ZMIZ2: variants seen among roughly 807,000 people sequenced by gnomAD.
ZMIZ2 encodes the protein zinc finger MIZ-type containing 2, also known as zinc finger MIZ domain-containing protein 2.
Under a neutral mutation model 93.9 loss-of-function variants are expected in ZMIZ2, and 26 were observed. That is an observed-to-expected ratio of 0.28 (90% CI 0.20 to 0.38). ZMIZ2 has a LOEUF of 0.38. Among genes scored for constraint, ZMIZ2 ranks in the 10% least tolerant of loss-of-function variants. The probability of loss-of-function intolerance (pLI) is 1.00; values close to 1 mark genes in which losing one functional copy is unlikely to be tolerated. For synonymous variants in ZMIZ2, 485 were observed against 516.4 expected, an observed-to-expected ratio of 0.94 and a Z score of 0.82; for missense variants, 1,023 against 1,235.0, an observed-to-expected ratio of 0.83 and a Z score of 2.57.
intron 1 of ZMIZ2, among the ~76,000 whole-genome samples, chr7:44,753,521 T>G (rs1052657740): frequency 2.0e-5 from 3 of 152,224 alleles, no homozygotes. Flanking sequence ...GCTGGGATTA[T>G]AAGTGTGAGC....
chr7:44,759,347 A>C lies in ZMIZ2; in HGVS notation c.880A>C (p.Ser294Arg), dbSNP rs1790932971. The change falls in exon 7 of 19, where the codon AGC becomes CGC. Residue 294 changes from serine to arginine, a missense_variant. Around this residue, in one of 3 missense-constraint regions of ZMIZ2, gnomAD observed 656 missense variants for 777.1 expected, o/e 0.84. Coordinates refer to ENST00000309315, the MANE Select transcript of ZMIZ2 (RefSeq NM_031449.4). The stretch of plus-strand genomic sequence containing the variant: ...ACCCAGCACCGCCCAGTTTGCGCCC[A>C]GCCCTGGGCAGCCCCCTGCCCCCTC... ...YAPSTAQFAP[S>R]PGQPPAPSPS... 3 of 1,604,572 alleles carry C rather than the reference A, an allele frequency of 1.9e-6. No homozygotes were observed. In the African/African-American group the frequency reaches 4.0e-5, roughly 22 times the overall value.
At chr7:44,764,307 T>A (rs1791480750) in intron 13 of ZMIZ2, 112 bp from the exon 14 acceptor site, 3 of 942,040 alleles carry the variant, frequency 3.2e-6, no homozygotes, top group Middle Eastern at 2.2e-4. Context: ...ATGCAGTATC[T>A]CAGTTATGCA....
intron 1 of ZMIZ2, among the ~76,000 whole-genome samples, chr7:44,755,645 TCTC>T (rs778034369): frequency 1.3e-5 from 2 of 152,254 alleles, no homozygotes; most frequent in Admixed American, 6.5e-5. Flanking sequence ...ACCCCTGCAC[TCTC>T]CTCCTCGGCT....
chr7:44,758,078 C>A lies in ZMIZ2; in HGVS notation c.783C>A (p.Pro261=). The change falls in exon 6 of 19, where the codon CCC becomes CCA. Residue 261 remains proline (P), a synonymous_variant. Coordinates refer to ENST00000309315, the MANE Select transcript of ZMIZ2 (RefSeq NM_031449.4). ...GGCCTCCCCAGGCCCAGCCACTGCC[C>A]CGACAGGGGGTCAAGAGAACCTACT... is the stretch of plus-strand genomic sequence containing the variant. ...YPGPPQAQPL[P]RQGVKRTYSE... 6.3e-7 allele frequency: 1 copy of A among 1,585,870 alleles called. No individual in the cohort carries two copies. Among genetic ancestry groups the A allele is most frequent in the Non-Finnish European group, 8.6e-7 (1 of 1,168,016 alleles).
chr7:44,749,450 TG>T (rs1789941770), intron 1 of ZMIZ2, among the ~76,000 whole-genome samples: 1 of 152,204 alleles, frequency 6.6e-6, no homozygotes, highest in Non-Finnish European at 1.5e-5. Flanking sequence ...CACGGCGATG[TG>T]GGGGCCGTCT....
rs532673611 is a variant in ZMIZ2 at position 44,761,995 on chromosome 7, T to C, written c.1596+90T>C. ...AGCGGTGCCGTGGGGTGGGGCGGGG[T>C]GTGGGCGGGGCCTGGCCCAGCGGCG... On this transcript the variant is annotated intron_variant, in intron 11 of 18. Coordinates refer to ENST00000309315, the MANE Select transcript of ZMIZ2 (RefSeq NM_031449.4). This position sits in a 1 kb window ranked among gnomAD's most constrained non-coding sequence, Gnocchi z 5.8. 19 of 250,536 alleles carry C rather than the reference T, an allele frequency of 7.6e-5. No individual in the cohort carries two copies. The Admixed American group carries it at 1.0e-3, about 13-fold the overall frequency. 15.5% of individuals were successfully genotyped at this position (250,536 alleles called of 1,614,324 possible).
At chr7:44,755,388 C>G (rs976287332) in intron 1 of ZMIZ2, among the ~76,000 whole-genome samples, 3 of 152,180 alleles carry the variant, frequency 2.0e-5, no homozygotes, top group African/African-American at 7.2e-5. Context: ...AGTGGGTCTG[C>G]CTGCCTGGCC....
chr7:44,758,103 T>G lies in ZMIZ2; in HGVS notation c.808T>G (p.Ser270Ala), dbSNP rs770915659. The G allele has an allele frequency of 1.3e-5, 20 of 1,557,528 alleles. No homozygotes were observed. The Admixed American group carries it at 3.9e-4, about 31-fold the overall frequency. ...LPRQGVKRTY[S>A]EVYPGQQYLQ... ...CCGACAGGGGGTCAAGAGAACCTAC[T>G]CTGAGGTGAGTGTCCAGGTCACCTA... Residue 270 changes from serine (S) to alanine (A), a missense_variant, in exon 6 of 19, where the codon TCT becomes GCT. By Grantham distance (99) the Ser-to-Ala change is moderately conservative (BLOSUM62 1). Transcript: ENST00000309315.
chr7:44,765,191 C>G lies in ZMIZ2; in HGVS notation c.1998-144C>G. 4 of 1,495,490 alleles carry G rather than the reference C, an allele frequency of 2.7e-6. No homozygotes were observed. Among genetic ancestry groups the G allele is most frequent in the Non-Finnish European group, 2.7e-6 (3 of 1,105,460 alleles). The allele number at this position is 1,495,490 out of a possible 1,614,324, so 92.6% of individuals were successfully genotyped here. On this transcript the variant is annotated intron_variant, in intron 15 of 18. Transcript: ENST00000309315. This position sits in a 1 kb window ranked among gnomAD's most constrained non-coding sequence, Gnocchi z 4.1. ...TGAGTGTTGGTGCTGGGCCCAGCGT[C>G]CTGCTCGATGTGGAAGGTGCTGGGT... is the stretch of plus-strand genomic sequence containing the variant.
rs1791941698 is a variant in ZMIZ2 at position 44,768,707 on chromosome 7, C to T, written c.*1084C>T. ...CCTCTTGGTGGGCCTGGCCGAGTCC[C>T]TCCTTTGTGCTCCCAGGGACTATTT... On this transcript the variant is annotated 3_prime_UTR_variant, in exon 19 of 19. Transcript: ENST00000309315. 1 of 152,182 alleles carries T rather than the reference C, an allele frequency of 6.6e-6. No individual in the cohort carries two copies. The highest frequency in any genetic ancestry group is 1.5e-5 in the Non-Finnish European group (1 of 68,092). The allele number at this position is 152,182 out of a possible 1,614,324, so 9.4% of individuals were successfully genotyped here.
Position 44,760,518 on chromosome 7 carries a change from C to T in ZMIZ2, c.1165C>T (p.Pro389Ser), listed in dbSNP as rs1205665275. Residue 389 changes from proline to serine, a missense_variant, in exon 9 of 19, where the codon CCA becomes TCA. By Grantham distance (74) the Pro-to-Ser change is moderately conservative. Coordinates refer to ENST00000309315, the MANE Select transcript of ZMIZ2 (RefSeq NM_031449.4). ...TPSSSVPYMSPNQEVKSPFLP... is the reference protein window; with the variant it reads ...TPSSSVPYMSSNQEVKSPFLP... Reference sequence around the variant, plus strand: ...AAGCAGCAGCGTCCCTTACATGTCACCAAACCAAGAGGTCAAGTCTCCCTT... The same window carrying T: ...AAGCAGCAGCGTCCCTTACATGTCATCAAACCAAGAGGTCAAGTCTCCCTT... The T allele has an allele frequency of 1.2e-6, 2 of 1,614,036 alleles. No homozygotes were observed. Among genetic ancestry groups the T allele is most frequent in the African/African-American group, 2.7e-5 (2 of 74,890 alleles).
rs1791587558 is a variant in ZMIZ2 at position 44,765,276 on chromosome 7, G to A, written c.1998-59G>A. 1.3e-6 allele frequency: 2 copies of A among 1,597,262 alleles called. No homozygotes were observed. The highest frequency in any genetic ancestry group is 1.7e-6 in the Non-Finnish European group (2 of 1,170,490). The stretch of plus-strand genomic sequence containing the variant: ...AAACAGCCCAGGGCTGGGAGGGGCA[G>A]TGGGTGCCGGGCCAGCAGCAGGCCA... On this transcript the variant is annotated intron_variant, in intron 15 of 18. Coordinates refer to ENST00000309315, the MANE Select transcript of ZMIZ2 (RefSeq NM_031449.4). The surrounding 1 kb of genome is among the most constrained non-coding windows in gnomAD (Gnocchi z 4.1).
rs553477035 is a variant in ZMIZ2, at chr7:44,760,356, C to T, written c.1072-69C>T. 1.6e-5 allele frequency: 25 copies of T among 1,583,574 alleles called. No individual in the cohort carries two copies. In the South Asian group the frequency reaches 1.6e-4, roughly 10 times the overall value. ...CTGTTATCATGGTTCCCAGTGGGTG[C>T]GCCGTGAACAGACTCCACTCCCATC... On this transcript the variant is annotated intron_variant, in intron 8 of 18. Transcript: ENST00000309315.
rs1791366538 is a variant in ZMIZ2 at position 44,763,046 on chromosome 7, C to T, written c.1702+60C>T. 1.3e-6 allele frequency: 2 copies of T among 1,536,118 alleles called. No homozygotes were observed. The highest frequency in any genetic ancestry group is 1.8e-6 in the Non-Finnish European group (2 of 1,124,954). ...CATCCCCATTCTGTGTGGCCCAAGC[C>T]CAACAATCCTCCTTGTGGGCACCTC... On this transcript the variant is annotated intron_variant, in intron 12 of 18. Coordinates refer to ENST00000309315, the MANE Select transcript of ZMIZ2 (RefSeq NM_031449.4). The surrounding 1 kb of genome is among the most constrained non-coding windows in gnomAD (Gnocchi z 5.6).
chr7:44,749,014 C>T (rs1359445409), intron 1 of ZMIZ2, 23 bp downstream of exon 1: 3 of 151,782 alleles, frequency 2.0e-5, no homozygotes, highest in Admixed American at 1.3e-4. Context: ...CTGGGGGTGG[C>T]CCCTGGCAAC....
In ZMIZ2 at chr7:44,765,609, A is replaced by G. The variant is rs1791630089; in HGVS notation, c.2242+30A>G. ...GTACAGCAGGCTAGCCTTGAACCTC[A>G]GATGACCCTGGGCATATGGCTCCTC... is the stretch of plus-strand genomic sequence containing the variant. On this transcript the variant is annotated intron_variant, in intron 16 of 18. Transcript: ENST00000309315. This position sits in a 1 kb window ranked among gnomAD's most constrained non-coding sequence, Gnocchi z 4.1. The G allele has an allele frequency of 6.4e-7, 1 of 1,566,742 alleles. No individual in the cohort carries two copies. The highest frequency in any genetic ancestry group is 8.6e-7 in the Non-Finnish European group (1 of 1,162,902).
intron 1 of ZMIZ2, among the ~76,000 whole-genome samples, chr7:44,751,900 T>C (rs1004228671): frequency 6.6e-6 from 1 of 151,542 alleles, no homozygotes. Context: ...AGGTGGAGGT[T>C]GCAGTGAGCC....
intron 6 of ZMIZ2, 53 bp from the exon 7 acceptor site, chr7:44,759,228 C>G: frequency 7.0e-7 from 1 of 1,426,472 alleles, no homozygotes; most frequent in South Asian, 1.5e-5. Context: ...CCTTCTGGAA[C>G]CAGCTCCCCT....
At position 44,761,418 on chromosome 7, in the gene ZMIZ2, C is replaced by T; in HGVS notation, c.1241-31C>T. On this transcript the variant is annotated intron_variant, in intron 9 of 18. Transcript: ENST00000309315. The surrounding 1 kb of genome is among the most constrained non-coding windows in gnomAD (Gnocchi z 5.8). ...CACAAGACGCTCTGGCTGGGGCAAC[C>T]CAGCTCACAGCCAGTGGCCTCTGCT... 6.2e-7 allele frequency: 1 copy of T among 1,607,176 alleles called. No individual in the cohort carries two copies. The highest frequency in any genetic ancestry group is 8.5e-7 in the Non-Finnish European group (1 of 1,178,606).
Sources: allele counts gnomAD v4.1 joint callset (sites outside exome capture counted in the v4.1 genomes callset), GRCh38; gene constraint gnomAD v4.1.1; regional missense constraint gnomAD v4.1.1; non-coding constraint Gnocchi (gnomAD v3.1); transcripts MANE v1.5; gene names NCBI Gene and HGNC (gene_info 2026-07-23, HGNC 2026-07-21).